HDGF: variants seen among roughly 807,000 people sequenced by gnomAD.
The protein encoded by HDGF is heparin binding growth factor.
A neutral mutation model predicts 30.0 loss-of-function variants in HDGF; 5 were observed. The observed-to-expected ratio is 0.17, with a 90% CI of 0.09 to 0.35. The LOEUF is 0.35. Among genes scored for constraint, HDGF ranks in the 10% least tolerant of loss-of-function variants. The pLI is 1.00. For synonymous variants in HDGF, 133 were observed against 112.7 expected, an observed-to-expected ratio of 1.18 and a Z score of -1.14; for missense variants, 214 against 302.8, an observed-to-expected ratio of 0.71 and a Z score of 2.18.
At chr1:156,754,977 C>G (rs1202094339), upstream of HDGF, among the ~76,000 whole-genome samples, 7 of 152,058 alleles carry the variant, frequency 4.6e-5, no homozygotes, top group Admixed American at 4.6e-4. Context: ...AAAGTAGATT[C>G]TAATTCAGGA....
chr1:156,761,494 A>G (rs908231575), intron 1 of HDGF, among the ~76,000 whole-genome samples: 8 of 152,032 alleles, frequency 5.3e-5, no homozygotes, highest in African/African-American at 1.9e-4. Context: ...CTGTAATCCC[A>G]GCTACTTGGG....
chr1:156,752,541 G>C (rs1485992260), upstream of HDGF: 20 of 615,452 alleles, frequency 3.2e-5, no homozygotes, highest in Admixed American at 5.8e-4. Flanking sequence ...GAGGTGGGGA[G>C]GGGGGTCTGG....
At chr1:156,763,095 CATT>C (rs1157489265) in intron 1 of HDGF, among the ~76,000 whole-genome samples, 1 of 152,156 alleles carries the variant, frequency 6.6e-6, no homozygotes, top group African/African-American at 2.4e-5. Flanking sequence ...AACTCTCCAT[CATT>C]GTGGGTTTAA....
chr1:156,752,429 G>A (rs896116770), upstream of HDGF: 20 of 1,387,980 alleles, frequency 1.4e-5, no homozygotes, highest in Admixed American at 3.2e-4. Context: ...AGCTAACCCC[G>A]CAAAGATGAG....
At chr1:156,746,394 G>A (rs1408365361) in intron 1 of HDGF, among the ~76,000 whole-genome samples, 2 of 152,330 alleles carry the variant, frequency 1.3e-5, no homozygotes, top group African/African-American at 4.8e-5. Flanking sequence ...AGGTCAAAGG[G>A]CTGCCTATCC....
chr1:156,760,955 C>T lies in HDGF; in HGVS notation n.137-1736G>A, dbSNP rs1048615926. On this transcript the variant is annotated intron_variant and non_coding_transcript_variant, in intron 1 of 7. Transcript: ENST00000465180. ...ATGCCTGTAATCTCAGCACTTTGAG[C>T]GGCTGAGGCAGGCAGATTGCTTGAG... Among the ~76,000 whole-genome samples the T allele has an allele frequency of 4.6e-5, 7 of 151,476 alleles. No individual in the cohort carries two copies. In the East Asian group the frequency reaches 5.8e-4, roughly 13 times the overall value.
At chr1:156,764,301 T>C (rs1651310491) in intron 1 of HDGF, among the ~76,000 whole-genome samples, 1 of 152,104 alleles carries the variant, frequency 6.6e-6, no homozygotes, top group Admixed American at 6.6e-5. Flanking sequence ...TGATCTCTGC[T>C]CACTGAAACC....
chr1:156,745,410 C>G, intron 1 of HDGF, 37 bp from the exon 2 acceptor site: 2 of 1,591,056 alleles, frequency 1.3e-6, no homozygotes, highest in Non-Finnish European at 1.7e-6. Flanking sequence ...AGCTAGAGTC[C>G]TGAGGTTTTG....
intron 1 of HDGF, among the ~76,000 whole-genome samples, chr1:156,765,472 C>CTTTTTTTTTTTTTTT (rs71080793): frequency 4.1e-4 from 35 of 86,014 alleles, no homozygotes; most frequent in East Asian, 7.4e-4. Flanking sequence ...TTCTTTCTTT[C>CTTTTTTTTTTTTTTT]TTTTTTTTTT....
rs1022195065 is a variant in HDGF at position 156,751,211 on chromosome 1, G to A, written c.87+132C>T. 5.4e-5 allele frequency: 65 copies of A among 1,201,978 alleles called. No homozygotes were observed. Among genetic ancestry groups the A allele is most frequent in the South Asian group, 9.3e-5 (4 of 43,036 alleles). The allele number at this position is 1,201,978 out of a possible 1,614,324, so 74.5% of individuals were successfully genotyped here. On this transcript the variant is annotated intron_variant, in intron 1 of 5. Transcript: ENST00000357325. The surrounding 1 kb of genome is among the most constrained non-coding windows in gnomAD (Gnocchi z 4.7). ...CCGGCGGGTGGGCTTGGAAGCGACA[G>A]AGAAAGAGCCGGAGACCTACAAGCC...
At chr1:156,761,819 C>T (rs1243510350) in intron 1 of HDGF, among the ~76,000 whole-genome samples, 21 of 145,110 alleles carry the variant, frequency 1.4e-4, no homozygotes, top group Non-Finnish European at 2.6e-4. Flanking sequence ...TGGTGGCATG[C>T]GCCTATAGTC....
intron 1 of HDGF, among the ~76,000 whole-genome samples, chr1:156,749,623 G>A (rs1371099079): frequency 2.0e-5 from 3 of 152,146 alleles, no homozygotes; most frequent in South Asian, 4.1e-4. Flanking sequence ...GGCCCAAAGT[G>A]GAGAGAAAAT....
upstream of HDGF, among the ~76,000 whole-genome samples, chr1:156,752,794 C>T (rs994268872): frequency 5.3e-5 from 8 of 152,170 alleles, no homozygotes; most frequent in African/African-American, 1.9e-4. Flanking sequence ...ATATTTGGAT[C>T]TTATGTTACG....
chr1:156,748,254 A>C (rs1431754900), intron 1 of HDGF, among the ~76,000 whole-genome samples: 1 of 152,142 alleles, frequency 6.6e-6, no homozygotes, highest in Non-Finnish European at 1.5e-5. Flanking sequence ...TGACACCTCT[A>C]TCCCTCAAGC....
At chr1:156,746,858 A>C (rs1650585241) in intron 1 of HDGF, among the ~76,000 whole-genome samples, 1 of 152,182 alleles carries the variant, frequency 6.6e-6, no homozygotes, top group Admixed American at 6.5e-5. Flanking sequence ...CAAGGCAGTG[A>C]TTAACACACA....
At chr1:156,763,989 G>C (rs4539128) in intron 1 of HDGF, among the ~76,000 whole-genome samples, 148,593 of 152,306 alleles carry the variant, frequency 0.98, 72,586 homozygotes, top group East Asian at 1. Context: ...CCTCAACCTC[G>C]CAGGCTCAAG....
upstream of HDGF, among the ~76,000 whole-genome samples, chr1:156,754,021 T>A (rs776652409): frequency 4.6e-5 from 7 of 151,808 alleles, no homozygotes; most frequent in Non-Finnish European, 8.8e-5. Flanking sequence ...GATCAAGCGA[T>A]TCTCCTGCCC....
Position 156,751,292 on chromosome 1 carries a change from AT to A in HDGF, c.87+50del. ...GAGCGCTCGTGCCCTTCCCGGTGTTATGCAACCCAAGCCCGCAGGGGGTTAG... is the reference window on the plus strand; with the variant it reads ...GAGCGCTCGTGCCCTTCCCGGTGTTAGCAACCCAAGCCCGCAGGGGGTTAG... On this transcript the variant is annotated intron_variant, in intron 1 of 5. Transcript: ENST00000357325. This position sits in a 1 kb window ranked among gnomAD's most constrained non-coding sequence, Gnocchi z 4.7. 1.3e-6 allele frequency: 2 copies of A among 1,579,994 alleles called. No individual in the cohort carries two copies. Among genetic ancestry groups the A allele is most frequent in the Non-Finnish European group, 1.7e-6 (2 of 1,161,512 alleles).
Position 156,751,505 on chromosome 1 carries a change from G to T in HDGF, c.-76C>A, listed in dbSNP as rs918727948. 2 of 1,172,882 alleles carry T rather than the reference G, an allele frequency of 1.7e-6. No homozygotes were observed. Among genetic ancestry groups the T allele is most frequent in the Non-Finnish European group, 2.1e-6 (2 of 944,754 alleles). 72.7% of individuals were successfully genotyped at this position (1,172,882 alleles called of 1,614,324 possible). ...CCAAGTTTGCGCGTGCGGCGGTGGC[G>T]GCGCCGCTCCGCTCCGGCCCTCGCG... On this transcript the variant is annotated 5_prime_UTR_variant, in exon 1 of 6. Coordinates refer to ENST00000357325, the MANE Select transcript of HDGF (RefSeq NM_004494.3). This position sits in a 1 kb window ranked among gnomAD's most constrained non-coding sequence, Gnocchi z 4.7.
Sources: allele counts gnomAD v4.1 joint callset (sites outside exome capture counted in the v4.1 genomes callset), GRCh38; gene constraint gnomAD v4.1.1; non-coding constraint Gnocchi (gnomAD v3.1); transcripts MANE v1.5; gene names NCBI Gene and HGNC (gene_info 2026-07-23, HGNC 2026-07-21).